Variants in RPL18 observed in about 807,000 individuals in gnomAD.
The protein encoded by RPL18 is ribosomal protein L18.
A neutral mutation model predicts 25.0 loss-of-function variants in RPL18; 4 were observed. That is an observed-to-expected ratio of 0.16 (90% CI 0.08 to 0.37). The LOEUF (loss-of-function observed/expected upper bound fraction) is 0.37. Among genes scored for constraint, RPL18 ranks in the 10% least tolerant of loss-of-function variants. The pLI is 1.00. For synonymous variants in RPL18, 129 were observed against 101.6 expected (o/e 1.27, Z -1.62); for missense variants, 179 against 267.9 (o/e 0.67, Z 2.32).
At position 48,616,643 on chromosome 19, in the gene RPL18, C is replaced by CCAGCACAGCACAGCACAGCA. The variant is rs58972118; in HGVS notation, c.297+63_297+82dup. On this transcript the variant is annotated intron_variant, in intron 4 of 6. Coordinates refer to ENST00000549920, the MANE Select transcript of RPL18 (RefSeq NM_000979.4). ...CAGCGGTGGCAAGACTGAGGATGGA[C>CCAGCACAGCACAGCACAGCA]CAGCACAGCACAGCACAGCACAGCA... is the stretch of plus-strand genomic sequence containing the variant. The CCAGCACAGCACAGCACAGCA allele has an allele frequency of 0.031, 28,713 of 928,684 alleles. 2,176 individuals carry two copies. Among genetic ancestry groups the CCAGCACAGCACAGCACAGCA allele is most frequent in the East Asian group, 0.25 (10,014 of 39,562 alleles). The allele number at this position is 928,684 out of a possible 1,614,324, so 57.5% of individuals were successfully genotyped here.
Position 48,619,030 on chromosome 19 carries a change from C to T in RPL18, c.3+111G>A, listed in dbSNP as rs959927110. 15 of 1,181,536 alleles carry T rather than the reference C, an allele frequency of 1.3e-5. No homozygotes were observed. In the African/African-American group the frequency reaches 2.3e-4, roughly 18 times the overall value. 73.2% of individuals were successfully genotyped at this position (1,181,536 alleles called of 1,614,324 possible). ...AGTAGGTCCCCAGTATCGGGAATTG[C>T]TCCCTCCGGGCAGCCGCAGACCCCC... On this transcript the variant is annotated intron_variant, in intron 1 of 6. Coordinates refer to ENST00000549920, the MANE Select transcript of RPL18 (RefSeq NM_000979.4).
chr19:48,618,792 T>C (rs12608448), intron 1 of RPL18: 25,426 of 325,286 alleles, frequency 0.078, 1,847 homozygotes, highest in East Asian at 0.21. Flanking sequence ...AACCCGACTT[T>C]TCATACTAGA....
chr19:48,617,541 C>T, intron 2 of RPL18, 118 bp from the exon 3 acceptor site: 1 of 838,288 alleles, frequency 1.2e-6, no homozygotes, highest in Non-Finnish European at 1.9e-6. Context: ...TTCCCCCAAC[C>T]CACCGACCTA....
intron 1 of RPL18, chr19:48,618,851 C>T (rs1252776422): frequency 1.9e-6 from 1 of 523,116 alleles, no homozygotes; most frequent in African/African-American, 1.9e-5. Flanking sequence ...CTAAGAGTGG[C>T]TGCGGGTCCA....
chr19:48,615,751 G>C (rs537265950), intron 6 of RPL18, 126 bp downstream of exon 6: 3 of 840,350 alleles, frequency 3.6e-6, no homozygotes, highest in Non-Finnish European at 5.8e-6. Context: ...GGATGAGGCA[G>C]CTGAGAGTTC....
In RPL18 at chr19:48,617,882, G is replaced by A; in HGVS notation, c.4-5C>T. On this transcript the variant is annotated splice_polypyrimidine_tract_variant and splice_region_variant and intron_variant, in intron 1 of 6. Coordinates refer to ENST00000549920, the MANE Select transcript of RPL18 (RefSeq NM_000979.4). ...GTTATGGCGGATGTCCACTCCCTGT[G>A]GGGGTGAAGAGGCAACCATGGACCC... The A allele has an allele frequency of 1.2e-6, 2 of 1,612,520 alleles. No individual in the cohort carries two copies. Among genetic ancestry groups the A allele is most frequent in the Non-Finnish European group, 1.7e-6 (2 of 1,178,630 alleles).
chr19:48,617,539 AC>A lies in RPL18; in HGVS notation c.91-117del, dbSNP rs1974213726. 3.6e-6 allele frequency: 3 copies of A among 835,078 alleles called. No individual in the cohort carries two copies. In the South Asian group the frequency reaches 4.9e-5, roughly 14 times the overall value. The allele number at this position is 835,078 out of a possible 1,614,324, so 51.7% of individuals were successfully genotyped here. On this transcript the variant is annotated intron_variant, in intron 2 of 6. Coordinates refer to ENST00000549920, the MANE Select transcript of RPL18 (RefSeq NM_000979.4). Reference sequence around the variant, plus strand: ...AAATAATCTTTATCCCTTTCCCCCAACCCACCGACCTAGAGGGAGAAAGCTG... The same window carrying A: ...AAATAATCTTTATCCCTTTCCCCCAACCACCGACCTAGAGGGAGAAAGCTG...
At chr19:48,615,707 C>T in intron 6 of RPL18, 170 bp downstream of exon 6, 1 of 680,536 alleles carries the variant, frequency 1.5e-6, no homozygotes. Context: ...CTGGAAAACA[C>T]AGCTCCAAGC....
rs764288105 is a variant in RPL18 at position 48,615,382 on chromosome 19, T to A, written c.557A>T (p.Tyr186Phe). The A allele has an allele frequency of 7.4e-6, 12 of 1,611,890 alleles. No homozygotes were observed. Among genetic ancestry groups the A allele is most frequent in the Non-Finnish European group, 8.5e-6 (10 of 1,179,082 alleles). The stretch of plus-strand genomic sequence containing the variant: ...GAGTAGGATCCAGGGTTAGTTTTTG[T>A]AGCCTCGGCTGGCCCGTCGGCCTCT... The part of the protein sequence containing the change: ...RARGRRASRG[Y>F]KN The change falls in exon 7 of 7, where the codon TAC becomes TTC. Residue 186 changes from tyrosine (Y) to phenylalanine (F), a missense_variant. Coordinates refer to ENST00000549920, the MANE Select transcript of RPL18 (RefSeq NM_000979.4).
intron 1 of RPL18, 44 bp from the exon 2 acceptor site, chr19:48,617,921 C>G: frequency 7.2e-7 from 1 of 1,394,158 alleles, no homozygotes. Flanking sequence ...TACCCCCAAC[C>G]ATAGCCAATT....
chr19:48,616,750 C>T lies in RPL18; in HGVS notation c.273G>A (p.Arg91=). The change falls in exon 4 of 7, where the codon CGG becomes CGA. Residue 91 remains arginine (R), a synonymous_variant. Transcript: ENST00000549920. ...VVVGTITDDV[R]VQEVPKLKVC... ...CCTTCAGTTTGGGTACCTCCTGAACCCGCACATCATCAGTTATGGTCCCCA... is the reference window on the plus strand; with the variant it reads ...CCTTCAGTTTGGGTACCTCCTGAACTCGCACATCATCAGTTATGGTCCCCA... The T allele has an allele frequency of 1.2e-6, 2 of 1,613,862 alleles. No individual in the cohort carries two copies. Among genetic ancestry groups the T allele is most frequent in the South Asian group, 1.1e-5 (1 of 91,078 alleles).
chr19:48,616,526 A>C lies in RPL18; in HGVS notation c.297+200T>G, dbSNP rs771734926. 40 of 704,852 alleles carry C rather than the reference A, an allele frequency of 5.7e-5. No homozygotes were observed. In the Middle Eastern group the frequency reaches 1.8e-3, roughly 31 times the overall value. The allele number at this position is 704,852 out of a possible 1,614,324, so 43.7% of individuals were successfully genotyped here. On this transcript the variant is annotated intron_variant, in intron 4 of 6. Coordinates refer to ENST00000549920, the MANE Select transcript of RPL18 (RefSeq NM_000979.4). ...AACAGTTTACAACTTGCCCCAGAAG[A>C]AGCTTGCCCAGGGGACCCCACCATC...
chr19:48,615,929 C>T lies in RPL18; in HGVS notation c.439G>A (p.Glu147Lys). ...GCCTTGCCGAAATGCCGGTACACCT[C>T]TCGGCCCTTGCGAGGACCTAGGGAA... ...VLLSGPRKGR[E>K]VYRHFGKAPG... Residue 147 changes from glutamate (E) to lysine (K), a missense_variant, in exon 6 of 7, where the codon GAG becomes AAG. Coordinates refer to ENST00000549920, the MANE Select transcript of RPL18 (RefSeq NM_000979.4). 6.2e-7 allele frequency: 1 copy of T among 1,613,936 alleles called. No individual in the cohort carries two copies. Among genetic ancestry groups the T allele is most frequent in the South Asian group, 1.1e-5 (1 of 91,054 alleles).
At chr19:48,617,989 T>C in intron 1 of RPL18, 112 bp from the exon 2 acceptor site, 2 of 766,084 alleles carry the variant, frequency 2.6e-6, no homozygotes, top group South Asian at 1.6e-5. Flanking sequence ...ACACACCAGC[T>C]CAAATCCCAG....
Position 48,617,433 on chromosome 19 carries a change from C to T in RPL18, c.91-10G>A, listed in dbSNP as rs370317720. On this transcript the variant is annotated splice_polypyrimidine_tract_variant and intron_variant, in intron 2 of 6. Coordinates refer to ENST00000549920, the MANE Select transcript of RPL18 (RefSeq NM_000979.4). ...CCAGAAACCTGTATAACTGGAGGGA[C>T]GGGAAGACAGTGAGAAGCTGGGACA... is the stretch of plus-strand genomic sequence containing the variant. The T allele has an allele frequency of 8.6e-5, 138 of 1,603,826 alleles. No homozygotes were observed. The highest frequency in any genetic ancestry group is 1.1e-4 in the Non-Finnish European group (125 of 1,171,014).
At chr19:48,615,699 G>A (rs1974145465) in intron 6 of RPL18, 178 bp downstream of exon 6, 2 of 674,170 alleles carry the variant, frequency 3.0e-6, no homozygotes, top group Non-Finnish European at 5.1e-6. Context: ...CTCAGGCCCT[G>A]GAAAACACAG....
At position 48,617,483 on chromosome 19, in the gene RPL18, T is replaced by C. The variant is rs1974209979; in HGVS notation, c.91-60A>G. 4 of 1,221,906 alleles carry C rather than the reference T, an allele frequency of 3.3e-6. No homozygotes were observed. In the Admixed American group the frequency reaches 5.2e-5, roughly 16 times the overall value. 75.7% of individuals were successfully genotyped at this position (1,221,906 alleles called of 1,614,324 possible). ...AGCCTGCTCCCCCGCAGCCTTCCAG[T>C]GAAGGGGCAAACACATGATGATCTG... On this transcript the variant is annotated intron_variant, in intron 2 of 6. Coordinates refer to ENST00000549920, the MANE Select transcript of RPL18 (RefSeq NM_000979.4).
Position 48,617,873 on chromosome 19 carries a change from A to G in RPL18, c.8T>C (p.Val3Ala), listed in dbSNP as rs1297654161. 1.2e-6 allele frequency: 2 copies of G among 1,613,328 alleles called. No individual in the cohort carries two copies. The highest frequency in any genetic ancestry group is 1.7e-6 in the Non-Finnish European group (2 of 1,179,574). Residue 3 changes from valine to alanine, a missense_variant, in exon 2 of 7, where the codon GTG becomes GCG. By Grantham distance (64) the Val-to-Ala change is moderately conservative. Transcript: ENST00000549920. ...TCGGTCCTTGTTATGGCGGATGTCCACTCCCTGTGGGGGTGAAGAGGCAAC... is the reference window on the plus strand; with the variant it reads ...TCGGTCCTTGTTATGGCGGATGTCCGCTCCCTGTGGGGGTGAAGAGGCAAC... MGVDIRHNKDRKV... is the reference protein window; with the variant it reads MGADIRHNKDRKV...
At position 48,619,129 on chromosome 19, in the gene RPL18, A is replaced by T; in HGVS notation, c.3+12T>A. 1 of 1,557,634 alleles carries T rather than the reference A, an allele frequency of 6.4e-7. No homozygotes were observed. Among genetic ancestry groups the T allele is most frequent in the Non-Finnish European group, 8.7e-7 (1 of 1,148,656 alleles). On this transcript the variant is annotated intron_variant, in intron 1 of 6. Transcript: ENST00000549920. ...GGATTATCCAGCCCCGAACGCCGCA[A>T]AGCGAGCTCACCATGATGGCGCCTC...
Sources: allele counts gnomAD v4.1 joint callset, GRCh38; gene constraint gnomAD v4.1.1; transcripts MANE v1.5; gene names NCBI Gene and HGNC (gene_info 2026-07-23, HGNC 2026-07-21).